Variants in LCA5 observed in about 807,000 individuals in gnomAD.
The protein encoded by LCA5 is lebercilin.
In LCA5, 37 loss-of-function variants were observed where a neutral mutation model predicts 53.0. The ratio of observed to expected loss-of-function variants is 0.70; its 90% CI spans 0.54 to 0.92. The LOEUF (loss-of-function observed/expected upper bound fraction) is 0.92, where lower values mean the gene tolerates loss of function less well. LCA5 is among the 40% of genes least tolerant of loss of function. The pLI is 0.00. For missense variants in LCA5, 806 were observed against 790.5 expected, an observed-to-expected ratio of 1.02 and a Z score of -0.23; for synonymous variants, 303 against 282.9, an observed-to-expected ratio of 1.07 and a Z score of -0.71.
Position 79,485,468 on chromosome 6 carries a change from TAAG to T in LCA5, c.*1533_*1535del, listed in dbSNP as rs760004587. 4.6e-5 allele frequency: 7 copies of T among 152,590 alleles called. No individual in the cohort carries two copies. Among genetic ancestry groups the T allele is most frequent in the Non-Finnish European group, 8.8e-5 (6 of 68,022 alleles). The allele number at this position is 152,590 out of a possible 1,614,324, so 9.5% of individuals were successfully genotyped here. ...ATACATATCAGACATACAAATCTAT[TAAG>T]AAAACTTTTTAATATAGTTTAGCAC... On this transcript the variant is annotated 3_prime_UTR_variant, in exon 8 of 8. Coordinates refer to ENST00000369846, the MANE Select transcript of LCA5 (RefSeq NM_001122769.3).
intron 3 of LCA5, among the ~76,000 whole-genome samples, chr6:79,506,929 T>C (rs1016339204): frequency 3.3e-5 from 5 of 152,190 alleles, no homozygotes; most frequent in Non-Finnish European, 7.3e-5. Flanking sequence ...AGACGACCAA[T>C]GAATGTTAGT....
At position 79,491,596 on chromosome 6, in the gene LCA5, G is replaced by A. The variant is rs1448393195; in HGVS notation, c.1090C>T (p.Leu364Phe). 4 of 1,612,896 alleles carry A rather than the reference G, an allele frequency of 2.5e-6. No homozygotes were observed. In the African/African-American group the frequency reaches 4.0e-5, roughly 16 times the overall value. ...AATACTGCTAAACTCACCAAAGTAA[G>A]ATGTCCTGGTTCTTCCCATTTGTTT... ...YENKWEEPGH[L>F]TLDLQSQKQD... The change falls in exon 6 of 8, where the codon CTT (leucine) becomes TTT (phenylalanine). Residue 364 changes from leucine (L) to phenylalanine (F), a missense_variant. Transcript: ENST00000369846.
chr6:79,503,360 T>C (rs1770193466), intron 3 of LCA5, among the ~76,000 whole-genome samples: 1 of 152,140 alleles, frequency 6.6e-6, no homozygotes, highest in African/African-American at 2.4e-5. Flanking sequence ...CTTCAGTCAC[T>C]ACCACAGAAC....
chr6:79,529,761 A>G (rs918938641), intron 1 of LCA5, among the ~76,000 whole-genome samples: 2 of 152,062 alleles, frequency 1.3e-5, no homozygotes, highest in African/African-American at 4.8e-5. Context: ...ACACCATGGA[A>G]TACTATGCTG....
At chr6:79,535,812 T>C (rs1177332074) in intron 1 of LCA5, among the ~76,000 whole-genome samples, 2 of 151,794 alleles carry the variant, frequency 1.3e-5, no homozygotes, top group East Asian at 3.9e-4. Context: ...GAGTAAAAAA[T>C]AGAAGACGGA....
At position 79,502,534 on chromosome 6, in the gene LCA5, G is replaced by A. The variant is rs558858432; in HGVS notation, c.721-8784C>T. 5.3e-5 allele frequency among the ~76,000 whole-genome samples: 8 copies of A among 152,152 alleles called. No individual in the cohort carries two copies. In the East Asian group the frequency reaches 1.5e-3, roughly 29 times the overall value. On this transcript the variant is annotated intron_variant, in intron 3 of 7. Transcript: ENST00000369846. ...TACTAGTTAGCAACAAAAATAAAAC[G>A]GATTTTAGAAGTGATTTCTGCTCAG...
chr6:79,527,772 G>T (rs1234641274), intron 1 of LCA5, among the ~76,000 whole-genome samples: 2 of 152,084 alleles, frequency 1.3e-5, no homozygotes. Context: ...AAGAACCAAA[G>T]GAAGCGTCTT....
At chr6:79,488,839 GCAA>G (rs2127666803) in intron 7 of LCA5, 2 of 527,306 alleles carry the variant, frequency 3.8e-6, no homozygotes, top group East Asian at 5.9e-5. Flanking sequence ...TTTTCTGAAT[GCAA>G]CTTGTCCTTA....
At chr6:79,517,137 G>A (rs1043919982) in intron 2 of LCA5, among the ~76,000 whole-genome samples, 11 of 152,030 alleles carry the variant, frequency 7.2e-5, no homozygotes, top group Admixed American at 1.3e-4. Context: ...TTACAGAAAC[G>A]TATCAGTTTG....
At chr6:79,504,236 A>G (rs1299564634) in intron 3 of LCA5, among the ~76,000 whole-genome samples, 2 of 152,202 alleles carry the variant, frequency 1.3e-5, no homozygotes, top group Non-Finnish European at 2.9e-5. Context: ...TTCCATTAGT[A>G]TACTAACATA....
At chr6:79,495,316 G>C (rs7760022) in intron 3 of LCA5, among the ~76,000 whole-genome samples, 2,811 of 152,122 alleles carry the variant, frequency 0.018, 84 homozygotes, top group African/African-American at 0.064. Flanking sequence ...AAAAGGTTGG[G>C]GACCGCTGTA....
Position 79,518,952 on chromosome 6 carries a change from A to T in LCA5, c.-58T>A. 1 of 1,509,404 alleles carries T rather than the reference A, an allele frequency of 6.6e-7. No homozygotes were observed. The highest frequency in any genetic ancestry group is 9.2e-7 in the Non-Finnish European group (1 of 1,084,864). 93.5% of individuals were successfully genotyped at this position (1,509,404 alleles called of 1,614,324 possible). ...TCACAGATTATTTTCTCCAGAGGAG[A>T]CTATGACAATACTGAAAAACATTTT... On this transcript the variant is annotated 5_prime_UTR_variant, in exon 2 of 8. Coordinates refer to ENST00000369846, the MANE Select transcript of LCA5 (RefSeq NM_001122769.3).
intron 1 of LCA5, among the ~76,000 whole-genome samples, chr6:79,524,905 T>C (rs910933141): frequency 2.0e-5 from 3 of 152,128 alleles, no homozygotes; most frequent in African/African-American, 7.2e-5. Flanking sequence ...TTAACCTTTT[T>C]TTCATTTTCT....
chr6:79,531,508 T>C (rs1181048206), intron 1 of LCA5, among the ~76,000 whole-genome samples: 1 of 152,186 alleles, frequency 6.6e-6, no homozygotes, highest in African/African-American at 2.4e-5. Context: ...TCACCACTTC[T>C]TTCCGACCAT....
At chr6:79,493,484 G>A (rs201984424) in intron 4 of LCA5, 129 bp downstream of exon 4, 10 of 637,730 alleles carry the variant, frequency 1.6e-5, no homozygotes, top group Non-Finnish European at 2.4e-5. Context: ...AAGTGCTAAA[G>A]ATAATATCAG....
intron 6 of LCA5, among the ~76,000 whole-genome samples, chr6:79,490,320 T>G (rs1177689153): frequency 6.6e-6 from 1 of 152,054 alleles, no homozygotes. Context: ...AAAAAAAAAT[T>G]TCATGATTAC....
intron 1 of LCA5, among the ~76,000 whole-genome samples, chr6:79,520,462 G>C (rs1355084522): frequency 6.6e-6 from 1 of 152,060 alleles, no homozygotes; most frequent in Non-Finnish European, 1.5e-5. Context: ...GTCCCTGCCT[G>C]ACAACATGGA....
intron 6 of LCA5, among the ~76,000 whole-genome samples, chr6:79,490,985 C>T (rs1277417482): frequency 6.6e-6 from 1 of 151,900 alleles, no homozygotes; most frequent in Non-Finnish European, 1.5e-5. Flanking sequence ...AGGTCAGATT[C>T]CACTGCAATT....
intron 1 of LCA5, among the ~76,000 whole-genome samples, chr6:79,522,761 A>T (rs1442946425): frequency 1.3e-5 from 2 of 152,146 alleles, no homozygotes; most frequent in Non-Finnish European, 2.9e-5. Context: ...ATCATGGCTT[A>T]CTGCAACCTT....
Sources: allele counts gnomAD v4.1 joint callset (sites outside exome capture counted in the v4.1 genomes callset), GRCh38; gene constraint gnomAD v4.1.1; transcripts MANE v1.5; gene names NCBI Gene and HGNC (gene_info 2026-07-23, HGNC 2026-07-21).